Variants in CACNB2 observed in about 807,000 individuals in gnomAD.
CACNB2 encodes the protein calcium voltage-gated channel auxiliary subunit beta 2.
Under a neutral mutation model 73.3 loss-of-function variants are expected in CACNB2, and 42 were observed. That is an observed-to-expected ratio of 0.57 (90% CI 0.45 to 0.74). The LOEUF is 0.74. Ranked by LOEUF, CACNB2 falls within the 30% of genes least tolerant of loss-of-function variation. The pLI, the probability that CACNB2 is intolerant of heterozygous loss-of-function variation, is 0.00. For synonymous variants in CACNB2, 348 were observed against 310.3 expected (o/e 1.12, Z -1.28); for missense variants, 940 against 853.0 (o/e 1.10, Z -1.27).
intron 2 of CACNB2, among the ~76,000 whole-genome samples, chr10:18,374,499 A>T (rs2042714366): frequency 6.6e-6 from 1 of 152,206 alleles, no homozygotes; most frequent in Admixed American, 6.5e-5. Flanking sequence ...AGGCTGAGGC[A>T]GGAGGATAGC....
At chr10:18,220,193 A>G (rs11013056) in intron 2 of CACNB2, among the ~76,000 whole-genome samples, 9 of 31,242 alleles carry the variant, frequency 2.9e-4, no homozygotes, top group East Asian at 9.5e-4. Context: ...ATACATATAT[A>G]TGTGTGTGTA....
intron 2 of CACNB2, among the ~76,000 whole-genome samples, chr10:18,264,859 T>C (rs1005556262): frequency 1.1e-4 from 17 of 152,196 alleles, no homozygotes; most frequent in Admixed American, 3.9e-4. Context: ...TTGTGAATGT[T>C]TATGTATGCA....
intron 2 of CACNB2, among the ~76,000 whole-genome samples, chr10:18,311,968 C>T (rs572326233): frequency 8.4e-4 from 128 of 152,264 alleles, no homozygotes; most frequent in Middle Eastern, 3.4e-3. Flanking sequence ...CAATGATAGT[C>T]CCCTTCTATA....
intron 2 of CACNB2, among the ~76,000 whole-genome samples, chr10:18,219,420 A>G (rs931569148): frequency 6.6e-6 from 1 of 152,202 alleles, no homozygotes; most frequent in African/African-American, 2.4e-5. Context: ...CCTTCTGAGA[A>G]AAGTCAGCCT....
intron 2 of CACNB2, among the ~76,000 whole-genome samples, chr10:18,172,997 T>C (rs11012864): frequency 0.18 from 26,988 of 148,812 alleles, 2,535 homozygotes; most frequent in East Asian, 0.27. Flanking sequence ...CTCAGCGCAC[T>C]GCAACCTACA....
chr10:18,242,532 G>A (rs1195375102), intron 2 of CACNB2, among the ~76,000 whole-genome samples: 2 of 152,120 alleles, frequency 1.3e-5, no homozygotes, highest in Non-Finnish European at 1.5e-5. Context: ...AGTTGAAAAG[G>A]TATGTTGGGA....
At chr10:18,308,184 G>A (rs920279644) in intron 2 of CACNB2, among the ~76,000 whole-genome samples, 1 of 151,696 alleles carries the variant, frequency 6.6e-6, no homozygotes, top group Non-Finnish European at 1.5e-5. Context: ...GGTAGAGTCC[G>A]GGTTTCGCCA....
At chr10:18,484,728 G>A (rs747209462) in intron 3 of CACNB2, among the ~76,000 whole-genome samples, 2 of 152,140 alleles carry the variant, frequency 1.3e-5, no homozygotes, top group Non-Finnish European at 2.9e-5. Context: ...TTTCAACCAC[G>A]CAGTGCTGGA....
At chr10:18,426,314 T>A (rs1372371727) in intron 3 of CACNB2, among the ~76,000 whole-genome samples, 2 of 152,168 alleles carry the variant, frequency 1.3e-5, no homozygotes, top group Non-Finnish European at 2.9e-5. Context: ...GGTCATATAT[T>A]TTTTAGATTT....
chr10:18,419,747 G>C (rs1285852953), intron 3 of CACNB2, among the ~76,000 whole-genome samples: 1 of 152,176 alleles, frequency 6.6e-6, no homozygotes, highest in Non-Finnish European at 1.5e-5. Context: ...AAAGAAAGGG[G>C]AGGAATGTCC....
At position 18,239,536 on chromosome 10, in the gene CACNB2, T is replaced by G. The variant is rs76179359; in HGVS notation, c.213+88561T>G. 3.8e-3 allele frequency among the ~76,000 whole-genome samples: 580 copies of G among 152,292 alleles called. 5 individuals carry two copies. Among genetic ancestry groups the G allele is most frequent in the African/African-American group, 0.013 (557 of 41,554 alleles). Reference sequence around the variant, plus strand: ...GTATATGTGTGCATGTGTAAGTAGATATATACACCCCACACATTTTGTTTA... The same window carrying G: ...GTATATGTGTGCATGTGTAAGTAGAGATATACACCCCACACATTTTGTTTA... On this transcript the variant is annotated intron_variant, in intron 2 of 13. Transcript: ENST00000324631.
chr10:18,153,990 G>T (rs908961401), intron 2 of CACNB2, among the ~76,000 whole-genome samples: 1 of 151,384 alleles, frequency 6.6e-6, no homozygotes, highest in African/African-American at 2.4e-5. Flanking sequence ...TTGCGTACTT[G>T]TCTGTAGCTA....
intron 2 of CACNB2, among the ~76,000 whole-genome samples, chr10:18,265,356 A>G (rs2037748049): frequency 6.6e-6 from 1 of 151,876 alleles, no homozygotes; most frequent in African/African-American, 2.4e-5. Flanking sequence ...TGGTCTTGAA[A>G]TCCTGCCCTT....
intron 3 of CACNB2, among the ~76,000 whole-genome samples, chr10:18,432,507 T>C (rs916837065): frequency 2.0e-5 from 3 of 151,860 alleles, no homozygotes; most frequent in Non-Finnish European, 4.4e-5. Context: ...TCAATACTAC[T>C]GTTAAAAACA....
intron 13 of CACNB2, among the ~76,000 whole-genome samples, chr10:18,538,971 CCTG>C (rs1289996654): frequency 6.8e-6 from 1 of 145,992 alleles, no homozygotes; most frequent in East Asian, 2.3e-4. Flanking sequence ...GAACATTTTC[CCTG>C]CTGCTGCTTT....
intron 3 of CACNB2, among the ~76,000 whole-genome samples, chr10:18,436,607 G>A (rs959175503): frequency 1.3e-5 from 2 of 152,154 alleles, no homozygotes; most frequent in African/African-American, 4.8e-5. Flanking sequence ...TGCTTGCAAA[G>A]CATATTTGTT....
chr10:18,417,360 C>CTTTTTTTTTTTTTTTTTTTTTTTTTT (rs34847923), intron 3 of CACNB2, among the ~76,000 whole-genome samples: 1 of 87,016 alleles, frequency 1.1e-5, no homozygotes, highest in Non-Finnish European at 2.0e-5. Flanking sequence ...GCTAAAAATT[C>CTTTTTTTTTTTTTTTTTTTTTTTTTT]TTTTTTTTTT....
chr10:18,422,904 G>A (rs970205471), intron 3 of CACNB2, among the ~76,000 whole-genome samples: 1 of 152,132 alleles, frequency 6.6e-6, no homozygotes, highest in Non-Finnish European at 1.5e-5. Context: ...CACTATGTTG[G>A]TCAAGCTGGT....
At chr10:18,385,672 T>G (rs1189632411) in intron 2 of CACNB2, among the ~76,000 whole-genome samples, 1 of 148,812 alleles carries the variant, frequency 6.7e-6, no homozygotes, top group Non-Finnish European at 1.5e-5. Flanking sequence ...TTTATTCAAA[T>G]GACAGCAAAA....
Sources: allele counts gnomAD v4.1 joint callset (sites outside exome capture counted in the v4.1 genomes callset), GRCh38; gene constraint gnomAD v4.1.1; transcripts MANE v1.5; gene names NCBI Gene and HGNC (gene_info 2026-07-23, HGNC 2026-07-21).